Variants in TFDP2 observed in about 807,000 individuals in gnomAD.
TFDP2 encodes the protein transcription factor Dp-2 (E2F dimerization partner 2).
A neutral mutation model predicts 59.3 loss-of-function variants in TFDP2; 17 were observed. The observed-to-expected ratio is 0.29, with a 90% CI of 0.20 to 0.43. The LOEUF (loss-of-function observed/expected upper bound fraction) is 0.43. TFDP2 is among the 20% of genes least tolerant of loss of function. The pLI is 1.00. For synonymous variants in TFDP2, 180 were observed against 194.7 expected, an observed-to-expected ratio of 0.92 and a Z score of 0.63; for missense variants, 391 against 528.8, an observed-to-expected ratio of 0.74 and a Z score of 2.56.
rs1172245627 is a variant in TFDP2, at chr3:141,968,398, T to TATATC, written c.732+1670_732+1674dup. 1.5e-4 allele frequency among the ~76,000 whole-genome samples: 16 copies of TATATC among 110,004 alleles called. 1 individual carries two copies. Among genetic ancestry groups the TATATC allele is most frequent in the African/African-American group, 5.3e-4 (16 of 29,950 alleles). The allele number at this position is 110,004 out of a possible 152,430, so 72.2% of individuals were successfully genotyped here. A position where few individuals can be genotyped will look rare whatever the true frequency, so the allele number is the denominator to read the frequency against. ...ACATATATCTCATATATATAACATA[T>TATATC]ATATCATATATATAACATATATATC... is the stretch of plus-strand genomic sequence containing the variant. On this transcript the variant is annotated intron_variant, in intron 9 of 12. Transcript: ENST00000489671.
At chr3:142,056,999 G>A (rs2059770057) in intron 3 of TFDP2, among the ~76,000 whole-genome samples, 1 of 152,222 alleles carries the variant, frequency 6.6e-6, no homozygotes, top group South Asian at 2.1e-4. Flanking sequence ...TAATTATTAT[G>A]CAGTAATAGG....
intron 1 of TFDP2, among the ~76,000 whole-genome samples, chr3:142,114,712 T>A (rs1038608998): frequency 7.2e-5 from 11 of 151,994 alleles, no homozygotes; most frequent in Non-Finnish European, 1.6e-4. Flanking sequence ...GAAAGTTGAA[T>A]GATGTATGTG....
intron 6 of TFDP2, among the ~76,000 whole-genome samples, chr3:141,979,893 G>A (rs1284240047): frequency 1.3e-5 from 2 of 150,990 alleles, no homozygotes; most frequent in Non-Finnish European, 3.0e-5. Flanking sequence ...CTGGCCCTCT[G>A]TCTCAGTTTT....
intron 1 of TFDP2, among the ~76,000 whole-genome samples, chr3:142,148,693 G>A (rs753234022): frequency 5.3e-5 from 8 of 152,170 alleles, no homozygotes; most frequent in Non-Finnish European, 7.3e-5. Context: ...TTTCTCAAAG[G>A]AGTCTGGGCC....
intron 3 of TFDP2, among the ~76,000 whole-genome samples, chr3:142,082,600 T>A (rs545328135): frequency 2.0e-5 from 3 of 152,232 alleles, no homozygotes; most frequent in Admixed American, 6.5e-5. Context: ...ATCCCTGATG[T>A]ACACTGATGC....
rs1051037093 is a variant in TFDP2 at position 141,961,237 on chromosome 3, G to T, written c.885-1397C>A. On this transcript the variant is annotated intron_variant, in intron 10 of 12. Coordinates refer to ENST00000489671, the MANE Select transcript of TFDP2 (RefSeq NM_001178139.2). ...TTTCCAGAATTCTCAGTTTTTTGTT[G>T]TTTTTTTTTTTTTTTTTTTTTTTTG... 2.7e-3 allele frequency among the ~76,000 whole-genome samples: 228 copies of T among 84,710 alleles called. 2 individuals carry two copies. Among genetic ancestry groups the T allele is most frequent in the East Asian group, 0.014 (39 of 2,698 alleles). The allele number at this position is 84,710 out of a possible 152,430, so 55.6% of individuals were successfully genotyped here.
chr3:142,049,330 A>G (rs1490499185), intron 3 of TFDP2, among the ~76,000 whole-genome samples: 1 of 152,226 alleles, frequency 6.6e-6, no homozygotes, highest in African/African-American at 2.4e-5. Flanking sequence ...ATCAATCAAT[A>G]TAATTCCCCA....
At chr3:142,003,054 G>A (rs1235138678) in intron 4 of TFDP2, among the ~76,000 whole-genome samples, 2 of 151,564 alleles carry the variant, frequency 1.3e-5, no homozygotes, top group African/African-American at 4.9e-5. Flanking sequence ...CCAGGCTGGA[G>A]TACAGTGCCG....
chr3:142,024,607 G>T (rs549441844), intron 3 of TFDP2, among the ~76,000 whole-genome samples: 17 of 152,222 alleles, frequency 1.1e-4, no homozygotes, highest in Non-Finnish European at 1.9e-4. Flanking sequence ...TCTGAATCGG[G>T]TTACAATAAA....
In TFDP2 at chr3:141,959,746, C is replaced by T; in HGVS notation, c.979G>A (p.Gly327Ser). 2.5e-6 allele frequency: 4 copies of T among 1,614,166 alleles called. No individual in the cohort carries two copies. The highest frequency in any genetic ancestry group is 3.4e-6 in the Non-Finnish European group (4 of 1,180,028). Reference sequence around the variant, plus strand: ...TTCAGATCCTCCAGAGAGCATTTGCCTGACTCCAGGCCAAACGACATTCCC... The same window carrying T: ...TTCAGATCCTCCAGAGAGCATTTGCTTGACTCCAGGCCAAACGACATTCCC... Reference protein sequence around the residue: ...RMGMSFGLESGKCSLEDLKLA... With the variant: ...RMGMSFGLESSKCSLEDLKLA... Residue 327 changes from glycine (G) to serine (S), a missense_variant, in exon 11 of 13, where the codon GGC becomes AGC. Transcript: ENST00000489671.
chr3:142,057,821 G>A (rs1186023896), intron 3 of TFDP2, among the ~76,000 whole-genome samples: 1 of 152,124 alleles, frequency 6.6e-6, no homozygotes, highest in Non-Finnish European at 1.5e-5. Context: ...CTTTGACCAC[G>A]GTGCCCGGAT....
rs557523925 is a variant in TFDP2, at chr3:142,135,864, C to A, written c.-93+13319G>T. Among the ~76,000 whole-genome samples, 19 of 152,140 alleles carry A rather than the reference C, an allele frequency of 1.2e-4. No homozygotes were observed. In the South Asian group the frequency reaches 3.7e-3, roughly 30 times the overall value. On this transcript the variant is annotated intron_variant, in intron 1 of 12. Coordinates refer to ENST00000489671, the MANE Select transcript of TFDP2 (RefSeq NM_001178139.2). ...ATTGTGAATAGTGCTGCAATAAACA[C>A]ACATGTGCATGTGTCTTTATAGTAG...
In TFDP2 at chr3:141,961,237, G is replaced by GTTTT. The variant is rs1177754086; in HGVS notation, c.885-1401_885-1398dup. Among the ~76,000 whole-genome samples, 524 of 84,700 alleles carry GTTTT rather than the reference G, an allele frequency of 6.2e-3. 2 individuals are homozygous for GTTTT. The highest frequency in any genetic ancestry group is 0.011 in the Middle Eastern group (1 of 94). The allele number at this position is 84,700 out of a possible 152,430, so 55.6% of individuals were successfully genotyped here. A position where few individuals can be genotyped will look rare whatever the true frequency, so the allele number is the denominator to read the frequency against. On this transcript the variant is annotated intron_variant, in intron 10 of 12. Coordinates refer to ENST00000489671, the MANE Select transcript of TFDP2 (RefSeq NM_001178139.2). ...TTTCCAGAATTCTCAGTTTTTTGTT[G>GTTTT]TTTTTTTTTTTTTTTTTTTTTTTTG...
intron 3 of TFDP2, among the ~76,000 whole-genome samples, chr3:142,049,029 A>G (rs1197162105): frequency 6.6e-6 from 1 of 152,244 alleles, no homozygotes; most frequent in Non-Finnish European, 1.5e-5. Flanking sequence ...AGTTCCTGGC[A>G]TATAGCACTC....
intron 8 of TFDP2, among the ~76,000 whole-genome samples, chr3:141,971,794 T>A (rs1383283355): frequency 6.6e-6 from 1 of 152,194 alleles, no homozygotes; most frequent in African/African-American, 2.4e-5. Context: ...GACATTGATA[T>A]GTCCAGTCTG....
chr3:142,123,159 C>G (rs1319115678), intron 1 of TFDP2, among the ~76,000 whole-genome samples: 1 of 152,118 alleles, frequency 6.6e-6, no homozygotes, highest in Non-Finnish European at 1.5e-5. Context: ...GAGACGGAGT[C>G]TCACTCTGAC....
chr3:142,031,360 A>T (rs1394038458), intron 3 of TFDP2, among the ~76,000 whole-genome samples: 1 of 152,164 alleles, frequency 6.6e-6, no homozygotes, highest in Non-Finnish European at 1.5e-5. Context: ...TCTACTCCAC[A>T]GATCTGACCT....
chr3:142,037,813 T>C (rs940977768), intron 3 of TFDP2, among the ~76,000 whole-genome samples: 2 of 152,198 alleles, frequency 1.3e-5, no homozygotes, highest in Admixed American at 6.5e-5. Flanking sequence ...AAATATTCTT[T>C]AAATACTCTC....
intron 1 of TFDP2, among the ~76,000 whole-genome samples, chr3:142,105,356 CAGAT>C (rs1035613693): frequency 6.6e-6 from 1 of 152,176 alleles, no homozygotes; most frequent in African/African-American, 2.4e-5. Context: ...ACCTTCCTCT[CAGAT>C]GGGCTAACCA....
Sources: gnomAD v4.1 joint callset for allele counts (sites outside exome capture counted in the v4.1 genomes callset) on GRCh38, gnomAD v4.1.1 for gene constraint, MANE v1.5 for transcripts, NCBI Gene and HGNC (gene_info 2026-07-23, HGNC 2026-07-21) for gene names.